The following MAST3 variants were observed in gnomAD, a reference collection of about 807,000 sequenced individuals.
MAST3 encodes the protein microtubule-associated serine/threonine-protein kinase 3.
Under a neutral mutation model 127.0 loss-of-function variants are expected in MAST3, and 43 were observed. That is an observed-to-expected ratio of 0.34 (90% CI 0.27 to 0.44). The LOEUF (loss-of-function observed/expected upper bound fraction) is 0.44. MAST3 is among the 20% of genes least tolerant of loss of function. The probability of loss-of-function intolerance (pLI) is 1.00; values close to 1 mark genes in which losing one functional copy is unlikely to be tolerated. For synonymous variants in MAST3, 785 were observed against 809.2 expected, an observed-to-expected ratio of 0.97 and a Z score of 0.51; for missense variants, 1,390 against 1,919.1, an observed-to-expected ratio of 0.72 and a Z score of 5.15.
Position 18,145,329 on chromosome 19 carries a change from G to T in MAST3, c.3039+100G>T. On this transcript the variant is annotated intron_variant, in intron 24 of 27. Transcript: ENST00000687212. This position sits in a 1 kb window ranked among gnomAD's most constrained non-coding sequence, Gnocchi z 5.9. ...GCATTTTGGAGCCTGGCAGGGTTAG[G>T]TAGATAGAGCTGGTGCCACCGAGTT... The T allele has an allele frequency of 8.6e-7, 1 of 1,166,948 alleles. No individual in the cohort carries two copies. The highest frequency in any genetic ancestry group is 1.3e-6 in the Non-Finnish European group (1 of 792,298). The allele number at this position is 1,166,948 out of a possible 1,614,324, so 72.3% of individuals were successfully genotyped here. A position where few individuals can be genotyped will look rare whatever the true frequency, so the allele number is the denominator to read the frequency against.
rs372265542 is a variant in MAST3, at chr19:18,146,944, G to T, written c.3226G>T (p.Ala1076Ser). 1.0e-5 allele frequency: 16 copies of T among 1,559,330 alleles called. No individual in the cohort carries two copies. The highest frequency in any genetic ancestry group is 7.7e-5 in the Admixed American group (4 of 51,704). Reference sequence around the variant, plus strand: ...GAACACCTCCATCAAGGTGGGCCCCGCCCGGAAGAATGTGGCCAAGGGCCG... The same window carrying T: ...GAACACCTCCATCAAGGTGGGCCCCTCCCGGAAGAATGTGGCCAAGGGCCG... ...LENTSIKVGP[A>S]RKNVAKGRMA... Residue 1076 changes from alanine to serine, a missense_variant, in exon 26 of 28, where the codon GCC becomes TCC. By Grantham distance (99) the Ala-to-Ser change is moderately conservative (BLOSUM62 1). Transcript: ENST00000687212.
At chr19:18,146,763 G>A in intron 25 of MAST3, 118 bp from the exon 26 acceptor site, 1 of 938,586 alleles carries the variant, frequency 1.1e-6, no homozygotes, top group Non-Finnish European at 1.6e-6. Context: ...GTGGATGAAT[G>A]GATGCTGGGG....
intron 15 of MAST3, among the ~76,000 whole-genome samples, chr19:18,132,616 C>T (rs911483827): frequency 1.3e-5 from 2 of 152,136 alleles, no homozygotes; most frequent in Admixed American, 6.5e-5. Context: ...GCATGCCAGA[C>T]CCTCTGTGGG....
At chr19:18,104,670 T>A (rs1599654794) in intron 1 of MAST3, among the ~76,000 whole-genome samples, 1 of 150,406 alleles carries the variant, frequency 6.6e-6, no homozygotes, top group Non-Finnish European at 1.5e-5. Context: ...GGAGGGAGGG[T>A]GTCCTGAGAC....
chr19:18,106,254 A>AT (rs1021686389), intron 1 of MAST3, among the ~76,000 whole-genome samples: 7 of 150,596 alleles, frequency 4.6e-5, no homozygotes, highest in East Asian at 3.9e-4. Flanking sequence ...CACCTGGCTA[A>AT]TTTTTTTTTC....
In MAST3 at chr19:18,144,894, G is replaced by A; in HGVS notation, c.2813-109G>A. The A allele has an allele frequency of 1.2e-6, 1 of 862,624 alleles. No individual in the cohort carries two copies. The highest frequency in any genetic ancestry group is 2.8e-4 in the Middle Eastern group (1 of 3,570). The allele number at this position is 862,624 out of a possible 1,614,324, so 53.4% of individuals were successfully genotyped here. A position where few individuals can be genotyped will look rare whatever the true frequency, so the allele number is the denominator to read the frequency against. On this transcript the variant is annotated intron_variant, in intron 23 of 27. Transcript: ENST00000687212. The surrounding 1 kb of genome is among the most constrained non-coding windows in gnomAD (Gnocchi z 4.0). ...GGCCTGGTGGGGTGACCATGCTTGGGACATTGAAGCAACAGCAAAGTGGCC... is the reference window on the plus strand; with the variant it reads ...GGCCTGGTGGGGTGACCATGCTTGGAACATTGAAGCAACAGCAAAGTGGCC...
At chr19:18,147,358 C>T (rs2043136873) in intron 26 of MAST3, 85 bp from the exon 27 acceptor site, 13 of 1,267,448 alleles carry the variant, frequency 1.0e-5, no homozygotes, top group Non-Finnish European at 1.2e-5. Flanking sequence ...CTGCCTCGGC[C>T]TCTGAAAGTG....
chr19:18,137,400 T>C (rs1429602526), intron 19 of MAST3, 39 bp downstream of exon 19: 1 of 1,597,906 alleles, frequency 6.3e-7, no homozygotes, highest in Non-Finnish European at 8.5e-7. Flanking sequence ...CGGGGGGTGC[T>C]CTGCCATCCC....
chr19:18,118,204 C>A (rs923532044), intron 3 of MAST3: 2 of 985,282 alleles, frequency 2.0e-6, no homozygotes, highest in Admixed American at 6.1e-5. Context: ...TGGCGGCTCC[C>A]GGCCATCGGA....
At position 18,143,908 on chromosome 19, in the gene MAST3, C is replaced by CCAGGCCCTG; in HGVS notation, c.2493_2501dup (p.Ala832_Pro834dup). 1 of 1,613,710 alleles carries CCAGGCCCTG rather than the reference C, an allele frequency of 6.2e-7. No individual in the cohort carries two copies. Among genetic ancestry groups the CCAGGCCCTG allele is most frequent in the Non-Finnish European group, 8.5e-7 (1 of 1,179,828 alleles). On this transcript the variant is annotated inframe_insertion, in exon 22 of 28. Transcript: ENST00000687212. ...CTCATCAGAGGATGAGGGGGTAGGCCCAGGCCCTGCAGGCCCCAAGAGGCC... is the reference window on the plus strand; with the variant it reads ...CTCATCAGAGGATGAGGGGGTAGGCCCAGGCCCTGCAGGCCCTGCAGGCCCCAAGAGGCC...
chr19:18,104,256 A>G (rs895348179), intron 1 of MAST3, among the ~76,000 whole-genome samples: 2 of 148,846 alleles, frequency 1.3e-5, no homozygotes, highest in Non-Finnish European at 3.0e-5. Flanking sequence ...AGGAGACCCT[A>G]ATGGCCACGG....
intron 27 of MAST3, among the ~76,000 whole-genome samples, chr19:18,147,827 A>G (rs950149860): frequency 5.3e-5 from 8 of 152,206 alleles, no homozygotes; most frequent in African/African-American, 1.9e-4. Context: ...CAGAGGAAAC[A>G]TCATGGACAA....
At position 18,110,731 on chromosome 19, in the gene MAST3, C is replaced by A; in HGVS notation, c.151C>A (p.His51Asn). The change falls in exon 3 of 28, where the codon CAC (histidine) becomes AAC (asparagine). Residue 51 changes from histidine (H) to asparagine (N), a missense_variant. Transcript: ENST00000687212. This position sits in a 1 kb window ranked among gnomAD's most constrained non-coding sequence, Gnocchi z 4.3. ...CSPCSPSLGL[H>N]PWSCRSGNRK... ...CCCCTGTAGCCCCTCCTTGGGCCTG[C>A]ACCCCTGGAGGTAAGTGACAGCGCG... The A allele has an allele frequency of 1.0e-6, 1 of 985,730 alleles. No homozygotes were observed. The highest frequency in any genetic ancestry group is 1.7e-5 in the African/African-American group (1 of 57,352). The allele number at this position is 985,730 out of a possible 1,614,324, so 61.1% of individuals were successfully genotyped here.
At chr19:18,125,017 G>T (rs1453216377) in intron 11 of MAST3, among the ~76,000 whole-genome samples, 1 of 151,624 alleles carries the variant, frequency 6.6e-6, no homozygotes, top group Non-Finnish European at 1.5e-5. Flanking sequence ...TGAGGCACAA[G>T]AATTGCTTGA....
At chr19:18,113,059 C>T (rs1250960249) in intron 3 of MAST3, among the ~76,000 whole-genome samples, 2 of 152,080 alleles carry the variant, frequency 1.3e-5, no homozygotes. Flanking sequence ...GGGAGGGACC[C>T]GTGTGTTGGA....
chr19:18,100,892 A>T (rs956219591), intron 1 of MAST3, among the ~76,000 whole-genome samples: 2 of 152,202 alleles, frequency 1.3e-5, no homozygotes, highest in African/African-American at 4.8e-5. Flanking sequence ...CTGACCGGCC[A>T]ATCCAGACGC....
At chr19:18,119,464 C>G (rs10401175) in intron 3 of MAST3, among the ~76,000 whole-genome samples, 1 of 151,870 alleles carries the variant, frequency 6.6e-6, no homozygotes, top group Admixed American at 6.6e-5. Context: ...GGCTGGGAGA[C>G]AATCACTGTG....
intron 1 of MAST3, chr19:18,099,033 G>A (rs369452070): frequency 6.5e-5 from 20 of 306,520 alleles, no homozygotes; most frequent in African/African-American, 3.5e-4. Context: ...AAATGAAAGA[G>A]GTTGACAGAA....
Position 18,124,050 on chromosome 19 carries a change from G to A in MAST3, c.745G>A (p.Glu249Lys), listed in dbSNP as rs2040305815. Reference protein sequence around the residue: ...VLGFIHHQIVELARDCLAKSG... With the variant: ...VLGFIHHQIVKLARDCLAKSG... Reference sequence around the variant, plus strand: ...GGGCTTCATCCACCACCAGATCGTCGAGCTGGCCCGAGACTGCTTGGCCAA... The same window carrying A: ...GGGCTTCATCCACCACCAGATCGTCAAGCTGGCCCGAGACTGCTTGGCCAA... The change falls in exon 9 of 28, where the codon GAG becomes AAG. Residue 249 changes from glutamate to lysine, a missense_variant. By Grantham distance (56) the Glu-to-Lys change is moderately conservative. This residue lies in a region of MAST3 where 277 missense variants were observed against 384.8 expected (regional missense o/e 0.72). Transcript: ENST00000687212. The A allele has an allele frequency of 1.2e-6, 2 of 1,607,040 alleles. No individual in the cohort carries two copies. Among genetic ancestry groups the A allele is most frequent in the African/African-American group, 1.3e-5 (1 of 74,732 alleles).
Sources: gnomAD v4.1 joint callset for allele counts (sites outside exome capture counted in the v4.1 genomes callset) on GRCh38, gnomAD v4.1.1 for gene constraint, gnomAD v4.1.1 regional missense constraint, Gnocchi (gnomAD v3.1) non-coding constraint, MANE v1.5 for transcripts, NCBI Gene and HGNC (gene_info 2026-07-23, HGNC 2026-07-21) for gene names.